Variants in ZMYM1 observed in about 807,000 individuals in gnomAD.
ZMYM1 encodes the protein zinc finger MYM-type protein 1.
ZMYM1 carries 39 observed loss-of-function variants against 60.0 expected under a neutral mutation model. The observed-to-expected ratio is 0.65, with a 90% confidence interval of 0.50 to 0.85. The LOEUF (loss-of-function observed/expected upper bound fraction) is 0.85, where lower values mean the gene tolerates loss of function less well. ZMYM1 is among the 40% of genes least tolerant of loss of function. The pLI is 0.00. For missense variants in ZMYM1, 1,171 were observed against 1,309.5 expected, an observed-to-expected ratio of 0.89 and a Z score of 1.63; for synonymous variants, 413 against 454.0, an observed-to-expected ratio of 0.91 and a Z score of 1.15.
At chr1:35,088,454 A>ATATATATATGTG (rs1464546786) in intron 1 of ZMYM1, among the ~76,000 whole-genome samples, 64 of 107,240 alleles carry the variant, frequency 6.0e-4, no homozygotes, top group African/African-American at 1.4e-3. Context: ...ATATATATAT[A>ATATATATATGTG]TGTGTGTGTG....
At chr1:35,096,254 G>T (rs1234526742) in intron 3 of ZMYM1, among the ~76,000 whole-genome samples, 1 of 151,654 alleles carries the variant, frequency 6.6e-6, no homozygotes, top group Admixed American at 6.6e-5. Flanking sequence ...AGAGGTTGTG[G>T]TGAGCCAAGA....
intron 6 of ZMYM1, among the ~76,000 whole-genome samples, chr1:35,108,285 TTC>T (rs1450588796): frequency 6.6e-6 from 1 of 152,200 alleles, no homozygotes; most frequent in Non-Finnish European, 1.5e-5. Context: ...CAATATCCTG[TTC>T]TCTCACAGAA....
chr1:35,090,911 A>C (rs1191392013), intron 1 of ZMYM1, among the ~76,000 whole-genome samples: 1 of 151,798 alleles, frequency 6.6e-6, no homozygotes, highest in African/African-American at 2.4e-5. Context: ...GCGCCATTGC[A>C]CTCCATCCTG....
intron 3 of ZMYM1, among the ~76,000 whole-genome samples, chr1:35,097,102 G>A (rs1643374977): frequency 2.0e-5 from 3 of 152,156 alleles, no homozygotes; most frequent in African/African-American, 4.8e-5. Context: ...GGGATTACAG[G>A]CGTGAGCCAC....
chr1:35,104,712 G>A lies in ZMYM1; in HGVS notation c.750G>A (p.Gln250=). The change falls in exon 6 of 10, where the codon CAG becomes CAA. Residue 250 remains glutamine (Q), a synonymous_variant. Transcript: ENST00000359858. ...GCTCTAGTCTGTCCCACATACTTCA[G>A]ATGGAAGGACAGTCTCATTACTTTA... ...YTSSSLSHIL[Q]MEGQSHYFNS... is the part of the protein sequence containing the mutation. The A allele has an allele frequency of 1.2e-6, 2 of 1,614,198 alleles. No individual in the cohort carries two copies. The highest frequency in any genetic ancestry group is 1.7e-6 in the Non-Finnish European group (2 of 1,180,028).
At chr1:35,090,700 AC>A (rs1383819060) in intron 1 of ZMYM1, among the ~76,000 whole-genome samples, 3 of 152,162 alleles carry the variant, frequency 2.0e-5, no homozygotes, top group Non-Finnish European at 2.9e-5. Flanking sequence ...TAATCCCAGC[AC>A]TTTGGGAGGC....
chr1:35,100,604 G>A (rs946417053), intron 4 of ZMYM1, among the ~76,000 whole-genome samples: 5 of 150,994 alleles, frequency 3.3e-5, no homozygotes, highest in South Asian at 2.1e-4. Flanking sequence ...CCTGGGCAAC[G>A]GAGTGAGACC....
chr1:35,087,730 G>A (rs536745346), intron 1 of ZMYM1, among the ~76,000 whole-genome samples: 1 of 151,882 alleles, frequency 6.6e-6, no homozygotes, highest in East Asian at 2.0e-4. Flanking sequence ...GCCTGGCCTC[G>A]AAACTTGCAG....
At chr1:35,070,612 A>G (rs952138242) in intron 1 of ZMYM1, among the ~76,000 whole-genome samples, 1 of 152,132 alleles carries the variant, frequency 6.6e-6, no homozygotes, top group Non-Finnish European at 1.5e-5. Context: ...CATTTGCTTA[A>G]TTCTTCTGGC....
intron 1 of ZMYM1, among the ~76,000 whole-genome samples, chr1:35,065,087 G>A (rs1037913261): frequency 2.0e-5 from 3 of 151,872 alleles, no homozygotes; most frequent in African/African-American, 7.3e-5. Flanking sequence ...GAAATTTGTG[G>A]GATACAACTA....
chr1:35,114,897 A>C lies in ZMYM1; in HGVS notation c.3067A>C (p.Ile1023Leu). The change falls in exon 10 of 10, where the codon ATT (isoleucine) becomes CTT (leucine). Residue 1023 changes from isoleucine to leucine, a missense_variant. By Grantham distance (5) the Ile-to-Leu change is conservative. Coordinates refer to ENST00000359858, the MANE Select transcript of ZMYM1 (RefSeq NM_024772.5). ...VQEFYKLDED[I>L]IPELRFYRHY... ...GGAATTTTATAAACTTGATGAGGACATTATCCCAGAACTTAGATTTTATCG... is the reference window on the plus strand; with the variant it reads ...GGAATTTTATAAACTTGATGAGGACCTTATCCCAGAACTTAGATTTTATCG... 1 of 1,611,010 alleles carries C rather than the reference A, an allele frequency of 6.2e-7. No individual in the cohort carries two copies.
At chr1:35,070,199 T>C (rs190844017) in intron 1 of ZMYM1, among the ~76,000 whole-genome samples, 1 of 152,300 alleles carries the variant, frequency 6.6e-6, no homozygotes, top group Admixed American at 6.5e-5. Flanking sequence ...TTCAACAATA[T>C]CAATTCTTCC....
intron 6 of ZMYM1, among the ~76,000 whole-genome samples, chr1:35,106,783 C>T (rs1207397540): frequency 6.6e-6 from 1 of 151,078 alleles, no homozygotes; most frequent in Non-Finnish European, 1.5e-5. Context: ...AATAATATTC[C>T]TTTTTTTTTC....
chr1:35,083,611 AT>A (rs1437541184), intron 1 of ZMYM1, among the ~76,000 whole-genome samples: 1 of 151,580 alleles, frequency 6.6e-6, no homozygotes, highest in Admixed American at 6.6e-5. Context: ...AATTGTAGGT[AT>A]TTTTTGTTTT....
At chr1:35,074,728 A>G (rs766186802), upstream of ZMYM1, among the ~76,000 whole-genome samples, 4 of 152,160 alleles carry the variant, frequency 2.6e-5, no homozygotes, top group Non-Finnish European at 4.4e-5. Context: ...TTTTCTAGCT[A>G]AATGATCTAT....
At chr1:35,081,026 C>T (rs775749273) in intron 1 of ZMYM1, among the ~76,000 whole-genome samples, 1 of 152,016 alleles carries the variant, frequency 6.6e-6, no homozygotes, top group Non-Finnish European at 1.5e-5. Context: ...TCACTGCAAC[C>T]TCCACCTCCA....
At chr1:35,092,195 G>C (rs979015128) in intron 1 of ZMYM1, among the ~76,000 whole-genome samples, 1 of 151,726 alleles carries the variant, frequency 6.6e-6, no homozygotes, top group Non-Finnish European at 1.5e-5. Flanking sequence ...CAAAGTGCTG[G>C]GATTACAGGC....
At chr1:35,108,276 A>G (rs1046649918) in intron 6 of ZMYM1, among the ~76,000 whole-genome samples, 4 of 152,218 alleles carry the variant, frequency 2.6e-5, no homozygotes, top group Non-Finnish European at 4.4e-5. Flanking sequence ...TGCCTTTGCC[A>G]ATATCCTGTT....
chr1:35,104,347 T>A lies in ZMYM1; in HGVS notation c.472T>A (p.Ser158Thr). The A allele has an allele frequency of 2.5e-6, 4 of 1,610,948 alleles. No individual in the cohort carries two copies. The highest frequency in any genetic ancestry group is 3.4e-6 in the Non-Finnish European group (4 of 1,179,206). Residue 158 changes from serine (S) to threonine (T), a missense_variant, in exon 5 of 10, where the codon TCT becomes ACT. Transcript: ENST00000359858. ...TAGTGTCCAGCTGGAAGACACTACC[T>A]CTTGCAAAACTTTTTGCAGCCTATC... ...VISVQLEDTT[S>T]CKTFCSLSCL...
Sources: gnomAD v4.1 joint callset for allele counts (sites outside exome capture counted in the v4.1 genomes callset) on GRCh38, gnomAD v4.1.1 for gene constraint, MANE v1.5 for transcripts, NCBI Gene and HGNC (gene_info 2026-07-23, HGNC 2026-07-21) for gene names.